SLIT3: variants seen among roughly 807,000 people sequenced by gnomAD.
SLIT3 encodes the protein slit guidance ligand 3.
A neutral mutation model predicts 184.0 loss-of-function variants in SLIT3; 68 were observed. The ratio of observed to expected loss-of-function variants is 0.37; its 90% CI spans 0.30 to 0.45. The LOEUF is 0.45. SLIT3 is among the 20% of genes least tolerant of loss of function. SLIT3 has a pLI of 1.00. For missense variants in SLIT3, 1,707 were observed against 2,026.0 expected, an observed-to-expected ratio of 0.84 and a Z score of 3.02; for synonymous variants, 831 against 828.6, an observed-to-expected ratio of 1.00 and a Z score of -0.05.
intron 5 of SLIT3, among the ~76,000 whole-genome samples, chr5:168,878,506 T>C (rs10057070): frequency 0.037 from 5,592 of 152,270 alleles, 347 homozygotes; most frequent in African/African-American, 0.13. Context: ...CACTTTATTG[T>C]TCCTGTTTGC....
At chr5:169,167,063 T>C (rs1414988140) in intron 4 of SLIT3, among the ~76,000 whole-genome samples, 1 of 151,820 alleles carries the variant, frequency 6.6e-6, no homozygotes, top group Non-Finnish European at 1.5e-5. Context: ...CTAGCTACTC[T>C]AGAGGCTGAG....
At chr5:168,926,193 C>T (rs950789601) in intron 4 of SLIT3, among the ~76,000 whole-genome samples, 4 of 150,378 alleles carry the variant, frequency 2.7e-5, no homozygotes, top group African/African-American at 9.8e-5. Flanking sequence ...TGTTTTCATC[C>T]AACAGGGTTC....
At chr5:168,982,134 G>C (rs1026234777) in intron 4 of SLIT3, among the ~76,000 whole-genome samples, 1 of 152,182 alleles carries the variant, frequency 6.6e-6, no homozygotes, top group Non-Finnish European at 1.5e-5. Flanking sequence ...TTTTATGCCT[G>C]TGTAATCTAA....
intron 4 of SLIT3, among the ~76,000 whole-genome samples, chr5:169,075,257 G>A (rs1181712923): frequency 1.3e-5 from 2 of 152,150 alleles, no homozygotes; most frequent in African/African-American, 4.8e-5. Context: ...CTAAGTAATC[G>A]TGACTAGGGT....
At chr5:168,941,028 C>T (rs13160953) in intron 4 of SLIT3, among the ~76,000 whole-genome samples, 51,272 of 152,030 alleles carry the variant, frequency 0.34, 8,775 homozygotes, top group Admixed American at 0.38. Context: ...CAATGAAAAC[C>T]TAGTCAATTT....
chr5:169,239,980 A>T (rs1765339158), intron 3 of SLIT3, among the ~76,000 whole-genome samples: 1 of 152,080 alleles, frequency 6.6e-6, no homozygotes, highest in Admixed American at 6.5e-5. Flanking sequence ...TATGTTTATT[A>T]ACATTCAGAA....
At chr5:168,765,162 G>A (rs1045362144) in intron 14 of SLIT3, among the ~76,000 whole-genome samples, 1 of 152,202 alleles carries the variant, frequency 6.6e-6, no homozygotes, top group African/African-American at 2.4e-5. Flanking sequence ...CTGAAGGCGT[G>A]CACCGGCTGG....
intron 3 of SLIT3, among the ~76,000 whole-genome samples, chr5:169,200,390 C>T (rs549354749): frequency 1.3e-5 from 2 of 152,288 alleles, no homozygotes; most frequent in South Asian, 2.1e-4. Context: ...ATTCTTTCTC[C>T]GTCTACTGGT....
intron 6 of SLIT3, among the ~76,000 whole-genome samples, chr5:168,830,671 C>G (rs1425878062): frequency 6.6e-6 from 1 of 152,214 alleles, no homozygotes; most frequent in African/African-American, 2.4e-5. Context: ...TCTCCCAACA[C>G]TCCTGAGATA....
intron 16 of SLIT3, among the ~76,000 whole-genome samples, chr5:168,757,994 C>T (rs1252311692): frequency 2.6e-5 from 4 of 152,342 alleles, no homozygotes; most frequent in Non-Finnish European, 2.9e-5. Context: ...TCAGAACTCA[C>T]ATAGGCTTGT....
intron 4 of SLIT3, among the ~76,000 whole-genome samples, chr5:169,008,006 C>T (rs902096552): frequency 3.3e-5 from 5 of 152,194 alleles, no homozygotes; most frequent in African/African-American, 7.2e-5. Flanking sequence ...CCTGGAGAAC[C>T]GGACACTTTC....
intron 4 of SLIT3, among the ~76,000 whole-genome samples, chr5:169,030,114 C>G (rs1410365588): frequency 2.0e-5 from 3 of 152,156 alleles, no homozygotes; most frequent in African/African-American, 7.2e-5. Context: ...GAAACTTGTT[C>G]TTTGACTAGA....
At chr5:168,869,805 C>T (rs377023539) in intron 5 of SLIT3, among the ~76,000 whole-genome samples, 2 of 152,216 alleles carry the variant, frequency 1.3e-5, no homozygotes, top group South Asian at 2.1e-4. Context: ...AGGAAGTTTT[C>T]CTGGCAGACA....
At chr5:169,131,155 C>T (rs886340665) in intron 4 of SLIT3, among the ~76,000 whole-genome samples, 1 of 152,206 alleles carries the variant, frequency 6.6e-6, no homozygotes, top group Non-Finnish European at 1.5e-5. Context: ...CATTAATTAT[C>T]TGCAACTACA....
intron 1 of SLIT3, among the ~76,000 whole-genome samples, chr5:169,272,477 C>A (rs1211599891): frequency 6.6e-6 from 1 of 152,220 alleles, no homozygotes; most frequent in African/African-American, 2.4e-5. Context: ...TGTTTTCCAA[C>A]CTAGCGTAAA....
intron 4 of SLIT3, among the ~76,000 whole-genome samples, chr5:168,913,880 T>TA (rs1761347969): frequency 6.6e-6 from 1 of 152,244 alleles, no homozygotes; most frequent in Non-Finnish European, 1.5e-5. Flanking sequence ...ATATCTTTCT[T>TA]AAAAATGTTT....
chr5:169,130,506 C>A (rs565671924), intron 4 of SLIT3, among the ~76,000 whole-genome samples: 1 of 152,288 alleles, frequency 6.6e-6, no homozygotes, highest in South Asian at 2.1e-4. Context: ...AAAATAATAA[C>A]ACCTGGTTGA....
Position 169,151,036 on chromosome 5 carries a change from G to GA in SLIT3, c.413+42442dup, listed in dbSNP as rs140136220. 5.6e-4 allele frequency among the ~76,000 whole-genome samples: 84 copies of GA among 151,122 alleles called. 1 individual carries two copies. In the South Asian group the frequency reaches 9.5e-3, roughly 17 times the overall value. ...CAGATAAGAAGGATCTAGTAGTGAG[G>GA]AAAAAAAAACTCTAAAAATACAATT... On this transcript the variant is annotated intron_variant, in intron 4 of 35. Transcript: ENST00000519560.
intron 26 of SLIT3, among the ~76,000 whole-genome samples, chr5:168,704,833 G>A (rs1168908727): frequency 6.6e-6 from 1 of 152,122 alleles, no homozygotes; most frequent in African/African-American, 2.4e-5. Flanking sequence ...GGTTTTGTGG[G>A]TATCTGGGGA....
Sources: gnomAD v4.1 joint callset for allele counts (sites outside exome capture counted in the v4.1 genomes callset) on GRCh38, gnomAD v4.1.1 for gene constraint, MANE v1.5 for transcripts, NCBI Gene and HGNC (gene_info 2026-07-23, HGNC 2026-07-21) for gene names.